The following GNG4 variants were observed in gnomAD, a reference collection of about 807,000 sequenced individuals.
GNG4 encodes guanine nucleotide-binding protein G(I)/G(S)/G(O) subunit gamma-4.
GNG4 carries 4 observed loss-of-function variants against 5.8 expected under a neutral mutation model. That is an observed-to-expected ratio of 0.69 (90% confidence interval 0.34 to 1.57). The LOEUF is 1.57. GNG4 is among the 40% of genes most tolerant of loss of function. The probability of loss-of-function intolerance (pLI) is 0.06; values close to 1 mark genes in which losing one functional copy is unlikely to be tolerated. For synonymous variants in GNG4, 29 were observed against 32.9 expected (o/e 0.88, Z 0.41); for missense variants, 96 against 95.1 (o/e 1.01, Z -0.04).
At chr1:235,556,466 G>A (rs1312135736) in intron 3 of GNG4, among the ~76,000 whole-genome samples, 1 of 150,784 alleles carries the variant, frequency 6.6e-6, no homozygotes, top group African/African-American at 2.4e-5. Context: ...GCTGAGGCAG[G>A]AGAATTGCTT....
At chr1:235,583,894 G>T in intron 2 of GNG4, 46 bp from the exon 3 acceptor site, 1 of 1,254,926 alleles carries the variant, frequency 8.0e-7, no homozygotes, top group South Asian at 1.3e-5. Flanking sequence ...GCTCTTCCAA[G>T]GGTAGGGGAA....
intron 1 of GNG4, among the ~76,000 whole-genome samples, chr1:235,646,393 C>T (rs181673089): frequency 6.6e-6 from 1 of 152,338 alleles, no homozygotes; most frequent in African/African-American, 2.4e-5. Context: ...CACTCCTGGA[C>T]AGAGAGGACA....
At chr1:235,609,711 G>A (rs562647210) in intron 1 of GNG4, among the ~76,000 whole-genome samples, 18 of 152,038 alleles carry the variant, frequency 1.2e-4, no homozygotes, top group African/African-American at 3.1e-4. Context: ...TCAGGAGTTC[G>A]AGACTAGCCT....
chr1:235,619,547 G>T (rs1472197575), intron 1 of GNG4, among the ~76,000 whole-genome samples: 1 of 152,174 alleles, frequency 6.6e-6, no homozygotes, highest in East Asian at 1.9e-4. Flanking sequence ...CAATAGATTT[G>T]AGAATAGGCT....
intron 3 of GNG4, among the ~76,000 whole-genome samples, chr1:235,556,241 TAAG>T (rs771513095): frequency 6.6e-5 from 10 of 151,902 alleles, no homozygotes; most frequent in South Asian, 2.1e-4. Context: ...GCACAAAGGT[TAAG>T]AAGGTCACCC....
At chr1:235,600,100 CTTT>C (rs533853180) in intron 1 of GNG4, among the ~76,000 whole-genome samples, 104 of 43,114 alleles carry the variant, frequency 2.4e-3, no homozygotes, top group African/African-American at 9.1e-3. Context: ...CGGAAGAAAG[CTTT>C]TTTTTTTTTT....
chr1:235,605,347 C>T (rs967671230), intron 1 of GNG4, among the ~76,000 whole-genome samples: 5 of 152,054 alleles, frequency 3.3e-5, no homozygotes, highest in South Asian at 2.1e-4. Flanking sequence ...TGCGCCACCA[C>T]GCCCAGCTAA....
chr1:235,641,502 C>G (rs1657327984), intron 1 of GNG4, among the ~76,000 whole-genome samples: 1 of 152,216 alleles, frequency 6.6e-6, no homozygotes, highest in East Asian at 1.9e-4. Context: ...ACCAGCCTGG[C>G]CAACATGGTG....
intron 3 of GNG4, among the ~76,000 whole-genome samples, chr1:235,579,088 C>T (rs1337254613): frequency 6.9e-6 from 1 of 145,118 alleles, no homozygotes; most frequent in African/African-American, 2.6e-5. Context: ...CAGAGCAAGA[C>T]TCCATCTCAA....
chr1:235,576,223 G>A (rs1156646518), intron 3 of GNG4, among the ~76,000 whole-genome samples: 2 of 70,352 alleles, frequency 2.8e-5, no homozygotes, highest in Non-Finnish European at 2.4e-5. Context: ...ACCATGCCGG[G>A]CTAATTTTTT....
At chr1:235,566,592 A>T (rs1432752837) in intron 3 of GNG4, 1 of 153,188 alleles carries the variant, frequency 6.5e-6, no homozygotes, top group Non-Finnish European at 1.5e-5. Flanking sequence ...GTCCCCCATG[A>T]CCTGTGGAAA....
In GNG4 at chr1:235,590,113, A is replaced by G. The variant is rs551617683; in HGVS notation, c.-11+5287T>C. On this transcript the variant is annotated intron_variant, in intron 2 of 3. Coordinates refer to ENST00000391854, the MANE Select transcript of GNG4 (RefSeq NM_001098722.2). ...GCACCTGACCATCTTAAAACAAGCA[A>G]CAACATCAACAGTCTTCCCTCCCTG... Among the ~76,000 whole-genome samples, 34 of 152,292 alleles carry G rather than the reference A, an allele frequency of 2.2e-4. No homozygotes were observed. In the South Asian group the frequency reaches 6.4e-3, roughly 29 times the overall value.
intron 2 of GNG4, among the ~76,000 whole-genome samples, chr1:235,585,216 C>T (rs1687730301): frequency 6.6e-6 from 1 of 151,508 alleles, no homozygotes; most frequent in South Asian, 2.1e-4. Flanking sequence ...CTTTTCCTTT[C>T]CTTTCCTTTC....
At chr1:235,561,832 CT>C (rs1189061260) in intron 3 of GNG4, among the ~76,000 whole-genome samples, 2 of 152,186 alleles carry the variant, frequency 1.3e-5, no homozygotes, top group Admixed American at 6.5e-5. Context: ...AGCTTGTCTA[CT>C]TTTTTCTTTG....
chr1:235,645,160 G>C (rs1657469963), intron 1 of GNG4, among the ~76,000 whole-genome samples: 1 of 152,130 alleles, frequency 6.6e-6, no homozygotes, highest in Non-Finnish European at 1.5e-5. Flanking sequence ...CCCAGCATGG[G>C]GCATGACCAC....
rs1328158975 is a variant in GNG4 at position 235,550,480 on chromosome 1, A to T, written c.*1629T>A. The T allele has an allele frequency of 6.6e-6, 1 of 150,738 alleles. No homozygotes were observed. Among genetic ancestry groups the T allele is most frequent in the African/African-American group, 2.4e-5 (1 of 40,830 alleles). The allele number at this position is 150,738 out of a possible 1,614,324, so 9.3% of individuals were successfully genotyped here. Reference sequence around the variant, plus strand: ...TGTGTAACCTTGGGCAAACTACATAAACGCTTTGTGCCTCAGTTTCCCCTC... The same window carrying T: ...TGTGTAACCTTGGGCAAACTACATATACGCTTTGTGCCTCAGTTTCCCCTC... On this transcript the variant is annotated 3_prime_UTR_variant, in exon 4 of 4. Coordinates refer to ENST00000391854, the MANE Select transcript of GNG4 (RefSeq NM_001098722.2).
chr1:235,580,135 G>A (rs867714858), intron 3 of GNG4, among the ~76,000 whole-genome samples: 3 of 152,188 alleles, frequency 2.0e-5, no homozygotes, highest in Non-Finnish European at 4.4e-5. Context: ...TCTTAAGGAC[G>A]ATAAGTTAAG....
At chr1:235,615,980 T>A (rs1688580436) in intron 1 of GNG4, 2 of 329,522 alleles carry the variant, frequency 6.1e-6, no homozygotes, top group South Asian at 5.1e-5. Flanking sequence ...GCCTCCACAA[T>A]GTCCTCAGCA....
chr1:235,575,828 G>A (rs928111480), intron 3 of GNG4, among the ~76,000 whole-genome samples: 7 of 152,208 alleles, frequency 4.6e-5, no homozygotes, highest in Non-Finnish European at 4.4e-5. Context: ...GGGATGGCAC[G>A]TGGAAGGCAG....
Sources: allele counts gnomAD v4.1 joint callset (sites outside exome capture counted in the v4.1 genomes callset), GRCh38; gene constraint gnomAD v4.1.1; transcripts MANE v1.5; gene names NCBI Gene and HGNC (gene_info 2026-07-23, HGNC 2026-07-21).